TCF4: variants seen among roughly 807,000 people sequenced by gnomAD.
The protein encoded by TCF4 is SL3-3 enhancer factor 2.
A neutral mutation model predicts 82.1 loss-of-function variants in TCF4; 3 were observed. That is an observed-to-expected ratio of 0.04 (90% CI 0.02 to 0.09). The LOEUF (loss-of-function observed/expected upper bound fraction) is 0.09, where lower values mean the gene tolerates loss of function less well. TCF4 is among the 10% of genes least tolerant of loss of function. The pLI, the probability that TCF4 is intolerant of heterozygous loss-of-function variation, is 1.00. For missense variants in TCF4, 518 were observed against 852.7 expected (o/e 0.61, Z 4.89); for synonymous variants, 276 against 309.6 (o/e 0.89, Z 1.14).
intron 5 of TCF4, among the ~76,000 whole-genome samples, chr18:55,430,311 G>A (rs2095148190): frequency 6.6e-6 from 1 of 152,174 alleles, no homozygotes; most frequent in Non-Finnish European, 1.5e-5. Flanking sequence ...TGAGTAAGTG[G>A]GGGGAAGCAG....
upstream of TCF4, among the ~76,000 whole-genome samples, chr18:55,592,940 T>C (rs2147929078): frequency 6.6e-6 from 1 of 152,304 alleles, no homozygotes; most frequent in Admixed American, 6.5e-5. Context: ...GTATTCCCTG[T>C]CCATGAGATT....
chr18:55,452,232 C>G (rs934948322), intron 5 of TCF4, among the ~76,000 whole-genome samples: 2 of 152,176 alleles, frequency 1.3e-5, no homozygotes, highest in African/African-American at 4.8e-5. Flanking sequence ...CCAGCTCTCA[C>G]CATTTCATCC....
At chr18:55,629,932 T>C (rs1429699833) in intron 2 of TCF4, among the ~76,000 whole-genome samples, 1 of 152,178 alleles carries the variant, frequency 6.6e-6, no homozygotes, top group Non-Finnish European at 1.5e-5. Flanking sequence ...TTATCAAACT[T>C]ATTCAAAGGG....
intron 5 of TCF4, among the ~76,000 whole-genome samples, chr18:55,438,345 C>T (rs569388807): frequency 9.3e-4 from 141 of 152,148 alleles, no homozygotes; most frequent in Middle Eastern, 3.4e-3. Context: ...ATAGTTGTCT[C>T]GCACATGTTA....
At chr18:55,615,039 C>A (rs1466922342) in intron 2 of TCF4, among the ~76,000 whole-genome samples, 1 of 152,220 alleles carries the variant, frequency 6.6e-6, no homozygotes, top group South Asian at 2.1e-4. Flanking sequence ...TTTGGACCCC[C>A]AACTCTGTTC....
At chr18:55,623,582 G>A (rs1444694524) in intron 2 of TCF4, among the ~76,000 whole-genome samples, 1 of 152,124 alleles carries the variant, frequency 6.6e-6, no homozygotes, top group African/African-American at 2.4e-5. Context: ...AGACAGTCTG[G>A]TTTTTAGAAT....
At chr18:55,583,068 A>G (rs1460607999) in intron 3 of TCF4, among the ~76,000 whole-genome samples, 1 of 152,076 alleles carries the variant, frequency 6.6e-6, no homozygotes, top group Non-Finnish European at 1.5e-5. Context: ...AAAACTGAAC[A>G]CTCCAATCTG....
chr18:55,270,143 T>C (rs2060036471), intron 10 of TCF4, among the ~76,000 whole-genome samples, 180 bp from the exon 11 acceptor site: 1 of 152,132 alleles, frequency 6.6e-6, no homozygotes, highest in South Asian at 2.1e-4. Context: ...TAATAAGTTA[T>C]ACAGAAACAT....
chr18:55,365,860 C>T (rs1029857049), intron 6 of TCF4, among the ~76,000 whole-genome samples: 6 of 152,042 alleles, frequency 3.9e-5, no homozygotes, highest in Non-Finnish European at 7.4e-5. Flanking sequence ...CCATTGCACT[C>T]CAGCCTGGAC....
intron 2 of TCF4, among the ~76,000 whole-genome samples, chr18:55,620,567 G>A (rs1296662821): frequency 3.3e-5 from 5 of 152,022 alleles, no homozygotes; most frequent in South Asian, 2.1e-4. Context: ...TCTGTTCTAC[G>A]AACTCAGGTG....
rs556263207 is a variant in TCF4 at position 55,618,973 on chromosome 18, T to TC, written c.286+12324dup. Among the ~76,000 whole-genome samples, 719 of 152,212 alleles carry TC rather than the reference T, an allele frequency of 4.7e-3. 9 individuals are homozygous for TC. The highest frequency in any genetic ancestry group is 0.037 in the South Asian group (176 of 4,820). The stretch of plus-strand genomic sequence containing the variant: ...TTGGGCTTAGTTTGTTCTTTTTTTT[T>TC]CTTGTAATGTCTTTGTCTGGTTTTG... On this transcript the variant is annotated intron_variant, in intron 2 of 20. Coordinates refer to the TCF4 transcript ENST00000398339.
At position 55,463,948 on chromosome 18, in the gene TCF4, C is replaced by CTG. The variant is rs151196106; in HGVS notation, c.207+126_207+127dup. On this transcript the variant is annotated intron_variant, in intron 4 of 19. Coordinates refer to ENST00000354452, the MANE Select transcript of TCF4 (RefSeq NM_001083962.2). ...TGTGTGCGTGTGCATGCCCATGCCT[C>CTG]TGTGTGTGTGTGTGTGTGTGTGTGT... 0.029 allele frequency: 19,963 copies of CTG among 683,784 alleles called. 15 individuals are homozygous for CTG. The highest frequency in any genetic ancestry group is 0.042 in the East Asian group (1,502 of 36,098). 42.4% of individuals were successfully genotyped at this position (683,784 alleles called of 1,614,324 possible). A position where few individuals can be genotyped will look rare whatever the true frequency, so the allele number is the denominator to read the frequency against.
intron 15 of TCF4, among the ~76,000 whole-genome samples, chr18:55,245,742 A>T (rs895933172): frequency 1.3e-5 from 2 of 152,166 alleles, no homozygotes. Context: ...CTCGAATATG[A>T]GCTCAATGGC....
At chr18:55,463,951 T>C (rs1174066826) in intron 4 of TCF4, 125 bp downstream of exon 4, 1 of 670,808 alleles carries the variant, frequency 1.5e-6, no homozygotes, top group Non-Finnish European at 2.6e-6. Flanking sequence ...CATGCCTCTG[T>C]GTGTGTGTGT....
At chr18:55,587,243 G>A (rs1272394220) in intron 1 of TCF4, 107 bp from the exon 2 acceptor site, 1 of 655,506 alleles carries the variant, frequency 1.5e-6, no homozygotes, top group Non-Finnish European at 2.7e-6. Context: ...ACGTGGGGGC[G>A]GGTGGGATTA....
At chr18:55,264,121 A>C (rs2058613724) in intron 11 of TCF4, among the ~76,000 whole-genome samples, 2 of 152,222 alleles carry the variant, frequency 1.3e-5, no homozygotes, top group Non-Finnish European at 2.9e-5. Context: ...GCAAGATATT[A>C]TGACCAATCT....
At chr18:55,590,050 C>T (rs1016441220), upstream of TCF4, among the ~76,000 whole-genome samples, 1 of 152,204 alleles carries the variant, frequency 6.6e-6, no homozygotes, top group African/African-American at 2.4e-5. Context: ...TTTCCCTGCG[C>T]TCTTATTCGT....
At chr18:55,453,079 T>C (rs1444916691) in intron 5 of TCF4, among the ~76,000 whole-genome samples, 1 of 152,204 alleles carries the variant, frequency 6.6e-6, no homozygotes, top group African/African-American at 2.4e-5. Flanking sequence ...CAAACTTGCT[T>C]CTCTCCTGTC....
intron 6 of TCF4, 183 bp from the exon 7 acceptor site, chr18:55,351,186 A>T (rs1044776304): frequency 7.4e-6 from 5 of 671,426 alleles, no homozygotes; most frequent in African/African-American, 5.5e-5. Flanking sequence ...AAAGTTTGTG[A>T]ATTTTTAATT....
Sources: allele counts gnomAD v4.1 joint callset (sites outside exome capture counted in the v4.1 genomes callset), GRCh38; gene constraint gnomAD v4.1.1; transcripts MANE v1.5; gene names NCBI Gene and HGNC (gene_info 2026-07-23, HGNC 2026-07-21).